SV2C: variants seen among roughly 807,000 people sequenced by gnomAD.
SV2C encodes the protein solute carrier family 22 member B3.
A neutral mutation model predicts 79.7 loss-of-function variants in SV2C; 49 were observed. The ratio of observed to expected loss-of-function variants is 0.61; its 90% CI spans 0.49 to 0.78. SV2C has a LOEUF of 0.78. Ranked by LOEUF, SV2C falls within the 30% of genes least tolerant of loss-of-function variation. The probability of loss-of-function intolerance (pLI) is 0.00; values close to 1 mark genes in which losing one functional copy is unlikely to be tolerated. For missense variants in SV2C, 833 were observed against 912.9 expected, an observed-to-expected ratio of 0.91 and a Z score of 1.13; for synonymous variants, 334 against 333.2, an observed-to-expected ratio of 1.00 and a Z score of -0.03.
intron 1 of SV2C, among the ~76,000 whole-genome samples, chr5:76,096,023 C>T (rs1271362505): frequency 6.6e-6 from 1 of 152,158 alleles, no homozygotes; most frequent in Non-Finnish European, 1.5e-5. Context: ...TACATCTCTG[C>T]CTGCTTTTAC....
intron 4 of SV2C, among the ~76,000 whole-genome samples, chr5:76,238,065 C>CACAT (rs1468572481): frequency 1.6e-4 from 11 of 67,678 alleles, no homozygotes; most frequent in East Asian, 9.4e-4. Context: ...CACACACACA[C>CACAT]ATATATATAC....
chr5:76,107,946 C>T (rs10474461), intron 1 of SV2C, among the ~76,000 whole-genome samples: 24 of 152,230 alleles, frequency 1.6e-4, no homozygotes, highest in Non-Finnish European at 2.6e-4. Context: ...TTCTTGAAGT[C>T]GGTAAAATAT....
chr5:76,306,045 A>T (rs1748183110), intron 12 of SV2C, among the ~76,000 whole-genome samples: 1 of 151,982 alleles, frequency 6.6e-6, no homozygotes, highest in African/African-American at 2.4e-5. Flanking sequence ...GAGCAGGGGG[A>T]AGGATGGGGT....
At chr5:75,885,031 C>T in the SV2C span, among the ~76,000 whole-genome samples, 6 of 152,224 alleles carry the variant, frequency 3.9e-5, no homozygotes, top group South Asian at 6.2e-4. Flanking sequence ...AATGCATTCA[C>T]GACTCAACAA....
the SV2C span, among the ~76,000 whole-genome samples, chr5:76,026,562 C>T: frequency 6.6e-6 from 1 of 152,048 alleles, no homozygotes; most frequent in East Asian, 1.9e-4. Flanking sequence ...GAAATAATTC[C>T]CACTGGAGAA....
chr5:76,174,933 GT>G (rs887011507), intron 2 of SV2C, among the ~76,000 whole-genome samples: 1 of 152,218 alleles, frequency 6.6e-6, no homozygotes, highest in African/African-American at 2.4e-5. Flanking sequence ...TGCTGTGAAT[GT>G]TAAAGTCTCA....
At chr5:75,963,334 G>T in the SV2C span, among the ~76,000 whole-genome samples, 1,597 of 152,210 alleles carry the variant, frequency 0.01, 27 homozygotes, top group African/African-American at 0.031. Flanking sequence ...TCCTTAGAAA[G>T]AGTGTATGGG....
intron 2 of SV2C, among the ~76,000 whole-genome samples, chr5:76,178,310 T>TG (rs1473433111): frequency 6.6e-6 from 1 of 152,264 alleles, no homozygotes; most frequent in Non-Finnish European, 1.5e-5. Flanking sequence ...TTGCAGAATT[T>TG]GCAGCTGTGT....
chr5:76,310,910 G>A (rs1748414676), intron 12 of SV2C, among the ~76,000 whole-genome samples: 1 of 152,082 alleles, frequency 6.6e-6, no homozygotes, highest in Non-Finnish European at 1.5e-5. Flanking sequence ...CTGGCAGAGT[G>A]GAATACAAAA....
chr5:75,885,398 C>T, the SV2C span, among the ~76,000 whole-genome samples: 1 of 152,052 alleles, frequency 6.6e-6, no homozygotes, highest in Non-Finnish European at 1.5e-5. Context: ...GTCATATCTC[C>T]CTCTGGGGCA....
At chr5:76,101,883 A>G (rs1289838077) in intron 1 of SV2C, among the ~76,000 whole-genome samples, 1 of 152,320 alleles carries the variant, frequency 6.6e-6, no homozygotes, top group South Asian at 2.1e-4. Flanking sequence ...GAGACAGAGT[A>G]GAAGGGGAAG....
chr5:76,201,708 C>A (rs1464891258), intron 3 of SV2C, among the ~76,000 whole-genome samples: 2 of 152,154 alleles, frequency 1.3e-5, no homozygotes, highest in African/African-American at 2.4e-5. Context: ...AAATTGTGTG[C>A]CTTTTTTATT....
the SV2C span, among the ~76,000 whole-genome samples, chr5:76,026,602 A>G: frequency 6.6e-6 from 1 of 152,220 alleles, no homozygotes; most frequent in East Asian, 1.9e-4. Flanking sequence ...AAGATCAAGA[A>G]TACAAGGAAT....
At position 76,134,298 on chromosome 5, in the gene SV2C, T is replaced by C. The variant is rs578160535; in HGVS notation, c.580+1968T>C. Reference sequence around the variant, plus strand: ...CAACAGGAGCATTTTAATGCTTTCATAACTGTGCCTTCCAGACTTGCATTT... The same window carrying C: ...CAACAGGAGCATTTTAATGCTTTCACAACTGTGCCTTCCAGACTTGCATTT... On this transcript the variant is annotated intron_variant, in intron 2 of 12. Coordinates refer to ENST00000502798, the MANE Select transcript of SV2C (RefSeq NM_014979.4). Among the ~76,000 whole-genome samples, 9 of 152,346 alleles carry C rather than the reference T, an allele frequency of 5.9e-5. No homozygotes were observed. In the East Asian group the frequency reaches 1.7e-3, roughly 29 times the overall value.
the SV2C span, among the ~76,000 whole-genome samples, chr5:76,018,276 T>A: frequency 6.6e-6 from 1 of 152,244 alleles, no homozygotes; most frequent in Non-Finnish European, 1.5e-5. Flanking sequence ...TTCAGTTCTC[T>A]ATTTATTTCA....
chr5:75,923,139 A>G, the SV2C span, among the ~76,000 whole-genome samples: 1 of 152,192 alleles, frequency 6.6e-6, no homozygotes, highest in Non-Finnish European at 1.5e-5. Context: ...CTGATCTTCG[A>G]CAAAGCATAC....
At chr5:76,340,184 G>A (rs1749414032) in intron 12 of SV2C, among the ~76,000 whole-genome samples, 1 of 152,300 alleles carries the variant, frequency 6.6e-6, no homozygotes, top group East Asian at 1.9e-4. Context: ...CTAAAAGGGG[G>A]AGGAACCCTC....
At chr5:76,022,713 C>T in the SV2C span, among the ~76,000 whole-genome samples, 4 of 152,082 alleles carry the variant, frequency 2.6e-5, no homozygotes, top group African/African-American at 7.2e-5. Flanking sequence ...TTAATTTGGT[C>T]GATAGACATG....
rs147536569 is a variant in SV2C, at chr5:76,196,182, T to C, written c.761+1083T>C. Among the ~76,000 whole-genome samples, 787 of 152,288 alleles carry C rather than the reference T, an allele frequency of 5.2e-3. 6 individuals are homozygous for C. Among genetic ancestry groups the C allele is most frequent in the African/African-American group, 0.017 (724 of 41,548 alleles). ...GCATGTCTTTCTTAATTATGTATAG[T>C]AGCATTTCCCACAGCTCCTATGCTA... is the stretch of plus-strand genomic sequence containing the variant. On this transcript the variant is annotated intron_variant, in intron 3 of 12. Transcript: ENST00000502798.
Sources: allele counts gnomAD v4.1 joint callset (sites outside exome capture counted in the v4.1 genomes callset), GRCh38; gene constraint gnomAD v4.1.1; transcripts MANE v1.5; gene names NCBI Gene and HGNC (gene_info 2026-07-23, HGNC 2026-07-21).